Variants in IL15 observed in about 807,000 individuals in gnomAD.
IL15 encodes interleukin 15.
In IL15, 11 loss-of-function variants were observed where a neutral mutation model predicts 19.6. The observed-to-expected ratio is 0.56, with a 90% CI of 0.35 to 0.93. IL15 has a LOEUF of 0.93. Among genes scored for constraint, IL15 ranks in the 40% least tolerant of loss-of-function variants. The pLI is 0.01. For missense variants in IL15, 197 were observed against 186.5 expected, an observed-to-expected ratio of 1.06 and a Z score of -0.33; for synonymous variants, 58 against 59.6, an observed-to-expected ratio of 0.97 and a Z score of 0.12.
At chr4:141,703,206 G>A (rs1729382048) in intron 2 of IL15, among the ~76,000 whole-genome samples, 1 of 152,140 alleles carries the variant, frequency 6.6e-6, no homozygotes, top group Non-Finnish European at 1.5e-5. Context: ...CATGACTTTT[G>A]GGTCACATCC....
At chr4:141,724,765 C>T (rs1730203777) in intron 5 of IL15, among the ~76,000 whole-genome samples, 2 of 152,002 alleles carry the variant, frequency 1.3e-5, no homozygotes, top group South Asian at 2.1e-4. Flanking sequence ...AATAGACAAT[C>T]CAAACACTCA....
At chr4:141,706,056 G>A (rs964670825) in intron 2 of IL15, among the ~76,000 whole-genome samples, 1 of 151,466 alleles carries the variant, frequency 6.6e-6, no homozygotes, top group Admixed American at 6.6e-5. Context: ...TTATATTCAA[G>A]GTTATTATTG....
chr4:141,694,612 C>A (rs79791074), intron 2 of IL15, among the ~76,000 whole-genome samples: 1 of 152,098 alleles, frequency 6.6e-6, no homozygotes, highest in Non-Finnish European at 1.5e-5. Flanking sequence ...ATTCTTAGAC[C>A]GTCTTTTTCC....
chr4:141,698,536 G>T (rs1560925612), intron 2 of IL15, among the ~76,000 whole-genome samples: 9 of 151,826 alleles, frequency 5.9e-5, no homozygotes, highest in Admixed American at 5.2e-4. Flanking sequence ...TCTGCTCAGG[G>T]TTTCTATTTC....
chr4:141,707,208 T>C (rs1729546087), intron 2 of IL15, among the ~76,000 whole-genome samples: 1 of 152,112 alleles, frequency 6.6e-6, no homozygotes, highest in African/African-American at 2.4e-5. Flanking sequence ...ATTTCACTTG[T>C]ATTTTTTAAA....
intron 2 of IL15, among the ~76,000 whole-genome samples, chr4:141,677,655 G>T (rs1262560499): frequency 6.6e-6 from 1 of 152,104 alleles, no homozygotes; most frequent in Admixed American, 6.5e-5. Context: ...CTTCTCATGT[G>T]GCTCACTCAC....
intron 2 of IL15, among the ~76,000 whole-genome samples, chr4:141,694,189 TG>T (rs563673931): frequency 1.8e-4 from 28 of 152,344 alleles, no homozygotes; most frequent in African/African-American, 6.7e-4. Flanking sequence ...TGGTGAGTCC[TG>T]TTTTCTAGGT....
At position 141,720,584 on chromosome 4, in the gene IL15, C is replaced by T. The variant is rs749406709; in HGVS notation, c.110+18C>T. On this transcript the variant is annotated intron_variant, in intron 4 of 7. Transcript: ENST00000320650. ...ATTTTGGGGTAATTTTATCTTTAGG[C>T]ATAAATAACATTATGTTCATGGTCA... 1 of 1,142,534 alleles carries T rather than the reference C, an allele frequency of 8.8e-7. No homozygotes were observed. Among genetic ancestry groups the T allele is most frequent in the Non-Finnish European group, 1.3e-6 (1 of 750,108 alleles). 70.8% of individuals were successfully genotyped at this position (1,142,534 alleles called of 1,614,324 possible). A position where few individuals can be genotyped will look rare whatever the true frequency, so the allele number is the denominator to read the frequency against.
intron 2 of IL15, among the ~76,000 whole-genome samples, chr4:141,680,529 T>TA (rs113386803): frequency 0.024 from 3,649 of 152,316 alleles, 152 homozygotes; most frequent in African/African-American, 0.082. Context: ...TAAAGTTCCA[T>TA]AAATTTGATC....
chr4:141,657,157 C>T (rs1219554367), intron 2 of IL15, among the ~76,000 whole-genome samples: 3 of 151,958 alleles, frequency 2.0e-5, no homozygotes, highest in Non-Finnish European at 4.4e-5. Flanking sequence ...GCAATTGTAA[C>T]ACAATGATAA....
chr4:141,730,436 A>G (rs1730414708), intron 7 of IL15, among the ~76,000 whole-genome samples: 1 of 152,122 alleles, frequency 6.6e-6, no homozygotes, highest in Non-Finnish European at 1.5e-5. Flanking sequence ...TGAGATAGTT[A>G]TCTTTATTTC....
At chr4:141,643,515 C>G (rs529982191) in intron 1 of IL15, among the ~76,000 whole-genome samples, 8 of 152,122 alleles carry the variant, frequency 5.3e-5, no homozygotes, top group Admixed American at 1.3e-4. Context: ...TTATTGGGTC[C>G]CTTCCTATGT....
chr4:141,719,094 T>G (rs1462798786), intron 2 of IL15: 1 of 182,116 alleles, frequency 5.5e-6, no homozygotes, highest in Admixed American at 6.2e-5. Flanking sequence ...TTCAGGGAAA[T>G]AATAGAATAG....
intron 2 of IL15, among the ~76,000 whole-genome samples, chr4:141,695,629 T>A (rs888404808): frequency 8.5e-5 from 13 of 152,088 alleles, no homozygotes; most frequent in African/African-American, 3.1e-4. Context: ...GTAGTTCTGT[T>A]TTTAATTGTT....
chr4:141,730,832 A>G lies in IL15; in HGVS notation c.378+848A>G, dbSNP rs527772790. Among the ~76,000 whole-genome samples the G allele has an allele frequency of 3.3e-5, 5 of 152,294 alleles. No individual in the cohort carries two copies. The South Asian group carries it at 1.0e-3, about 32-fold the overall frequency. ...AGGCATAATCAAATTAGTTCATTTC[A>G]TAAATACTTTTTAGCCCTCAGGAGA... On this transcript the variant is annotated intron_variant, in intron 7 of 7. Transcript: ENST00000320650.
At chr4:141,704,005 A>C (rs545492439) in intron 2 of IL15, among the ~76,000 whole-genome samples, 19 of 152,280 alleles carry the variant, frequency 1.2e-4, no homozygotes, top group Middle Eastern at 6.8e-3. Context: ...TCATCTGCAA[A>C]CTGGGACAAT....
At chr4:141,724,097 G>A (rs1730181485) in intron 5 of IL15, among the ~76,000 whole-genome samples, 1 of 152,024 alleles carries the variant, frequency 6.6e-6, no homozygotes, top group African/African-American at 2.4e-5. Flanking sequence ...AATTTTTTCA[G>A]AACTTAAATC....
At chr4:141,708,282 T>C (rs1236295362) in intron 2 of IL15, among the ~76,000 whole-genome samples, 1 of 152,182 alleles carries the variant, frequency 6.6e-6, no homozygotes, top group Non-Finnish European at 1.5e-5. Flanking sequence ...GCCTATGCTC[T>C]AGGTAGCTGA....
In IL15 at chr4:141,729,882, C is replaced by A; in HGVS notation, c.276C>A (p.Leu92=). Residue 92 remains leucine (L), a synonymous_variant, in exon 7 of 8, where the codon CTC becomes CTA. Transcript: ENST00000320650. The part of the protein sequence containing the change: ...SCKVTAMKCF[L]LELQVISLES... Reference sequence around the variant, plus strand: ...AAGTAACAGCAATGAAGTGCTTTCTCTTGGAGTTACAAGTTATTTCACTTG... The same window carrying A: ...AAGTAACAGCAATGAAGTGCTTTCTATTGGAGTTACAAGTTATTTCACTTG... The A allele has an allele frequency of 6.3e-7, 1 of 1,583,874 alleles. No homozygotes were observed. The highest frequency in any genetic ancestry group is 1.3e-5 in the African/African-American group (1 of 74,290).
Sources: allele counts gnomAD v4.1 joint callset (sites outside exome capture counted in the v4.1 genomes callset), GRCh38; gene constraint gnomAD v4.1.1; transcripts MANE v1.5; gene names NCBI Gene and HGNC (gene_info 2026-07-23, HGNC 2026-07-21).